The following AFAP1L2 variants were observed in gnomAD, a reference collection of about 807,000 sequenced individuals.
The protein encoded by AFAP1L2 is actin filament-associated protein 1-like 2.
AFAP1L2 carries 46 observed loss-of-function variants against 99.3 expected under a neutral mutation model. The observed-to-expected ratio is 0.46, with a 90% CI of 0.37 to 0.59. The LOEUF (loss-of-function observed/expected upper bound fraction) is 0.59, where lower values mean the gene tolerates loss of function less well. Among genes scored for constraint, AFAP1L2 ranks in the 20% least tolerant of loss-of-function variants. The pLI is 0.00. For synonymous variants in AFAP1L2, 397 were observed against 419.1 expected, an observed-to-expected ratio of 0.95 and a Z score of 0.64; for missense variants, 959 against 1,034.9, an observed-to-expected ratio of 0.93 and a Z score of 1.01.
intron 1 of AFAP1L2, among the ~76,000 whole-genome samples, chr10:114,384,113 A>C (rs2056143273): frequency 6.6e-6 from 1 of 152,176 alleles, no homozygotes; most frequent in Admixed American, 6.5e-5. Context: ...TGACAACTGC[A>C]GAGGGTTTTA....
At chr10:114,336,707 G>A (rs1211068519) in intron 2 of AFAP1L2, among the ~76,000 whole-genome samples, 1 of 151,358 alleles carries the variant, frequency 6.6e-6, no homozygotes, top group Non-Finnish European at 1.5e-5. Context: ...GGGGGTGGGA[G>A]TGTGAGGCAG....
intron 1 of AFAP1L2, among the ~76,000 whole-genome samples, chr10:114,360,725 A>AT (rs1384423982): frequency 6.6e-5 from 10 of 152,320 alleles, no homozygotes; most frequent in African/African-American, 2.4e-4. Flanking sequence ...TAAACCATTT[A>AT]CCACTATTAT....
downstream of AFAP1L2, chr10:114,290,325 C>T (rs1208172992): frequency 3.2e-6 from 5 of 1,550,480 alleles, no homozygotes; most frequent in Admixed American, 5.9e-5. Context: ...GCTACCGCTG[C>T]AAGTGTCGGG....
chr10:114,372,487 C>T (rs4751648), intron 1 of AFAP1L2, among the ~76,000 whole-genome samples: 74,003 of 152,004 alleles, frequency 0.49, 19,552 homozygotes, highest in East Asian at 0.69. Context: ...ATATCCACAA[C>T]AGGCCAAGGG....
chr10:114,351,832 G>A (rs755435164), intron 1 of AFAP1L2, among the ~76,000 whole-genome samples: 13 of 152,220 alleles, frequency 8.5e-5, no homozygotes, highest in African/African-American at 2.4e-4. Flanking sequence ...AGCCACCTCC[G>A]CCCTTCCCAC....
intron 1 of AFAP1L2, among the ~76,000 whole-genome samples, chr10:114,349,555 G>GGAA (rs2050142253): frequency 3.2e-5 from 4 of 123,768 alleles, no homozygotes; most frequent in Admixed American, 2.5e-4. Context: ...TTGTCGCTTG[G>GGAA]AAAAAAAAAA....
intron 1 of AFAP1L2, among the ~76,000 whole-genome samples, chr10:114,345,033 G>T (rs1052180787): frequency 1.0e-4 from 15 of 150,174 alleles, no homozygotes; most frequent in East Asian, 5.9e-4. Context: ...AGAGACGGAG[G>T]TTGCAGTGAG....
rs1464940353 is a variant in AFAP1L2, at chr10:114,372,027, G to A, written c.17-31296C>T. On this transcript the variant is annotated intron_variant, in intron 1 of 18. Coordinates refer to ENST00000304129, the MANE Select transcript of AFAP1L2 (RefSeq NM_001001936.3). ...GAACCACTACATTAACTTCTCCCCAGCAAGTCACATCTTGCAGAGACAGCA... is the reference window on the plus strand; with the variant it reads ...GAACCACTACATTAACTTCTCCCCAACAAGTCACATCTTGCAGAGACAGCA... 3.9e-5 allele frequency among the ~76,000 whole-genome samples: 6 copies of A among 152,182 alleles called. No individual in the cohort carries two copies. The East Asian group carries it at 1.2e-3, about 29-fold the overall frequency.
chr10:114,304,659 GCAAA>G (rs1440374019), intron 11 of AFAP1L2, 56 bp downstream of exon 11: 2 of 1,443,550 alleles, frequency 1.4e-6, no homozygotes, highest in Non-Finnish European at 1.9e-6. Context: ...GAGACTGGCA[GCAAA>G]CAGCCACCAC....
rs1425473796 is a variant in AFAP1L2 at position 114,297,395 on chromosome 10, C to T, written c.2132G>A (p.Ser711Asn). 2 of 1,613,080 alleles carry T rather than the reference C, an allele frequency of 1.2e-6. No homozygotes were observed. Among genetic ancestry groups the T allele is most frequent in the African/African-American group, 2.7e-5 (2 of 74,928 alleles). Residue 711 changes from serine (S) to asparagine (N), a missense_variant, in exon 17 of 19, where the codon AGC becomes AAC. Transcript: ENST00000304129. ...AATTTCCTTCAGCTTCTGCTCCAGGCTCGCCAGGACTTCCTTGTCTGGAGA... is the reference window on the plus strand; with the variant it reads ...AATTTCCTTCAGCTTCTGCTCCAGGTTCGCCAGGACTTCCTTGTCTGGAGA... ...LKCTDKEVLA[S>N]LEQKLKEIDE...
chr10:114,302,196 C>T (rs1051794358), intron 12 of AFAP1L2, 143 bp downstream of exon 12: 5 of 1,271,986 alleles, frequency 3.9e-6, no homozygotes, highest in Admixed American at 3.8e-5. Context: ...CTGAGGGCTA[C>T]TCCTTGGCTT....
chr10:114,315,879 C>T, intron 5 of AFAP1L2, 114 bp from the exon 6 acceptor site: 8 of 1,047,506 alleles, frequency 7.6e-6, no homozygotes, highest in Non-Finnish European at 1.1e-5. Context: ...CAGCCCCCGA[C>T]TCTCCCTGCC....
At chr10:114,282,193 G>A in the AFAP1L2 span, among the ~76,000 whole-genome samples, 1 of 151,854 alleles carries the variant, frequency 6.6e-6, no homozygotes, top group Non-Finnish European at 1.5e-5. Flanking sequence ...TAGTAGAGAC[G>A]GGGCTTCACC....
At chr10:114,375,453 T>C (rs1358127042) in intron 1 of AFAP1L2, among the ~76,000 whole-genome samples, 1 of 152,238 alleles carries the variant, frequency 6.6e-6, no homozygotes. Flanking sequence ...AAACTTTTTA[T>C]TGACAAAATT....
chr10:114,345,307 T>A (rs1044969364), intron 1 of AFAP1L2, among the ~76,000 whole-genome samples: 1 of 152,134 alleles, frequency 6.6e-6, no homozygotes, highest in African/African-American at 2.4e-5. Context: ...AAGAGGGCTT[T>A]ATTATTCTGC....
At chr10:114,306,928 T>C (rs2042548032) in intron 10 of AFAP1L2, among the ~76,000 whole-genome samples, 1 of 151,950 alleles carries the variant, frequency 6.6e-6, no homozygotes, top group African/African-American at 2.4e-5. Context: ...ACACACCTCC[T>C]AGCCCACCCC....
chr10:114,308,087 C>T (rs922755990), intron 9 of AFAP1L2, among the ~76,000 whole-genome samples, 178 bp from the exon 10 acceptor site: 2 of 152,174 alleles, frequency 1.3e-5, no homozygotes, highest in African/African-American at 4.8e-5. Flanking sequence ...GACCTGCAGG[C>T]CACAGTCAGG....
At chr10:114,289,696 TTAAC>T in the AFAP1L2 span, 1 of 607,528 alleles carries the variant, frequency 1.6e-6, no homozygotes, top group South Asian at 2.0e-5. Flanking sequence ...TACAGAAAGT[TTAAC>T]TAACATAGAT....
chr10:114,403,001 C>A (rs533040713), intron 1 of AFAP1L2, among the ~76,000 whole-genome samples: 1 of 152,214 alleles, frequency 6.6e-6, no homozygotes, highest in Non-Finnish European at 1.5e-5. Context: ...GGAGTGCAAA[C>A]GGCCATGTTA....
Sources: gnomAD v4.1 joint callset for allele counts (sites outside exome capture counted in the v4.1 genomes callset) on GRCh38, gnomAD v4.1.1 for gene constraint, MANE v1.5 for transcripts, NCBI Gene and HGNC (gene_info 2026-07-23, HGNC 2026-07-21) for gene names.